The following ZDHHC21 variants were observed in gnomAD, a reference collection of about 807,000 sequenced individuals.
ZDHHC21 encodes palmitoyltransferase ZDHHC21.
Under a neutral mutation model 34.6 loss-of-function variants are expected in ZDHHC21, and 15 were observed. The ratio of observed to expected loss-of-function variants is 0.43; its 90% CI spans 0.29 to 0.67. The LOEUF (loss-of-function observed/expected upper bound fraction) is 0.67, where lower values mean the gene tolerates loss of function less well. Ranked by LOEUF, ZDHHC21 falls within the 30% of genes least tolerant of loss-of-function variation. ZDHHC21 has a pLI of 0.14. For synonymous variants in ZDHHC21, 142 were observed against 101.8 expected (o/e 1.40, Z -2.38); for missense variants, 344 against 327.7 (o/e 1.05, Z -0.38).
chr9:14,642,690 G>A (rs1450492536), intron 7 of ZDHHC21, among the ~76,000 whole-genome samples: 3 of 152,178 alleles, frequency 2.0e-5, no homozygotes, highest in Admixed American at 1.3e-4. Context: ...GTGGTTATCT[G>A]CAAGCCAAAG....
chr9:14,660,513 T>C (rs1833189477), intron 6 of ZDHHC21, among the ~76,000 whole-genome samples: 1 of 152,122 alleles, frequency 6.6e-6, no homozygotes, highest in African/African-American at 2.4e-5. Flanking sequence ...AAATTTTCCT[T>C]GCTTCCAATT....
At chr9:14,677,563 A>G (rs959830355) in intron 3 of ZDHHC21, 1 of 152,050 alleles carries the variant, frequency 6.6e-6, no homozygotes. Context: ...CATTAGCTGG[A>G]GATTCTGACA....
intron 2 of ZDHHC21, among the ~76,000 whole-genome samples, chr9:14,689,089 C>A (rs1027958096): frequency 6.6e-6 from 1 of 152,096 alleles, no homozygotes; most frequent in African/African-American, 2.4e-5. Context: ...AAAAATGCCC[C>A]GTTATCTACT....
chr9:14,671,847 T>G (rs530507497), intron 5 of ZDHHC21, among the ~76,000 whole-genome samples: 5 of 152,124 alleles, frequency 3.3e-5, no homozygotes, highest in African/African-American at 1.2e-4. Flanking sequence ...AGTTAAGAAC[T>G]TGAATAAAAT....
At chr9:14,623,783 A>G (rs1028866561) in intron 8 of ZDHHC21, among the ~76,000 whole-genome samples, 3 of 152,112 alleles carry the variant, frequency 2.0e-5, no homozygotes, top group African/African-American at 7.2e-5. Flanking sequence ...AAAAACCACA[A>G]TGGGAAATCA....
intron 8 of ZDHHC21, among the ~76,000 whole-genome samples, chr9:14,634,817 A>G (rs1426053423): frequency 6.6e-6 from 1 of 152,210 alleles, no homozygotes; most frequent in African/African-American, 2.4e-5. Flanking sequence ...ACTCCAAAGA[A>G]ATACAATAAT....
intron 3 of ZDHHC21, among the ~76,000 whole-genome samples, chr9:14,678,907 G>T (rs868394370): frequency 6.6e-6 from 1 of 152,044 alleles, no homozygotes; most frequent in Admixed American, 6.6e-5. Flanking sequence ...ATACTGCTGA[G>T]TGAATAAAGC....
At chr9:14,660,295 G>A (rs150300608) in intron 6 of ZDHHC21, among the ~76,000 whole-genome samples, 6,562 of 146,636 alleles carry the variant, frequency 0.045, 467 homozygotes, top group African/African-American at 0.16. Flanking sequence ...GAGGCCAGGA[G>A]GCAGAGGTTG....
At chr9:14,603,227 A>G in the ZDHHC21 span, among the ~76,000 whole-genome samples, 17 of 152,272 alleles carry the variant, frequency 1.1e-4, no homozygotes, top group Non-Finnish European at 1.8e-4. Flanking sequence ...TAAAAATGGA[A>G]GACAGAAAAT....
the ZDHHC21 span, among the ~76,000 whole-genome samples, chr9:14,602,002 G>T: frequency 1.3e-5 from 2 of 151,928 alleles, no homozygotes; most frequent in Non-Finnish European, 2.9e-5. Context: ...GTCAGGAGGT[G>T]GGGGAGCTAG....
chr9:14,664,411 A>AGGC lies in ZDHHC21; in HGVS notation c.254-2088_254-2086dup, dbSNP rs1265368229. ...CACAGCAGTCTGAGATCAAACTGCA[A>AGGC]GGCGGCAGCCAGGCTGGGGGAGGGG... On this transcript the variant is annotated intron_variant, in intron 5 of 9. Coordinates refer to ENST00000380916, the MANE Select transcript of ZDHHC21 (RefSeq NM_178566.6). 1.6e-4 allele frequency among the ~76,000 whole-genome samples: 24 copies of AGGC among 150,712 alleles called. 2 individuals are homozygous for AGGC. The South Asian group carries it at 5.1e-3, about 32-fold the overall frequency.
intron 8 of ZDHHC21, among the ~76,000 whole-genome samples, chr9:14,631,104 G>A (rs1827265983): frequency 6.6e-6 from 1 of 152,214 alleles, no homozygotes; most frequent in Non-Finnish European, 1.5e-5. Context: ...AGCCACAGAA[G>A]TCCTACATGG....
chr9:14,661,795 G>C (rs1270726149), intron 6 of ZDHHC21, among the ~76,000 whole-genome samples: 2 of 152,156 alleles, frequency 1.3e-5, no homozygotes, highest in Admixed American at 1.3e-4. Context: ...GAGGTTATCA[G>C]GGTGTCTGAA....
chr9:14,646,003 C>A (rs1417431435), intron 7 of ZDHHC21, among the ~76,000 whole-genome samples: 3 of 152,116 alleles, frequency 2.0e-5, no homozygotes, highest in Admixed American at 2.0e-4. Flanking sequence ...TTAACACTAT[C>A]TAAAGGAACA....
chr9:14,600,802 T>C, the ZDHHC21 span, among the ~76,000 whole-genome samples: 2 of 152,068 alleles, frequency 1.3e-5, no homozygotes, highest in African/African-American at 4.8e-5. Context: ...TGAAAACAGA[T>C]ATATAGACCA....
At chr9:14,685,536 C>T (rs868448242) in intron 2 of ZDHHC21, among the ~76,000 whole-genome samples, 23 of 152,140 alleles carry the variant, frequency 1.5e-4, no homozygotes, top group South Asian at 6.2e-4. Flanking sequence ...ATGGCGATCA[C>T]TAAAAAGTCA....
At chr9:14,682,032 T>G (rs147419327) in intron 2 of ZDHHC21, among the ~76,000 whole-genome samples, 18,249 of 152,052 alleles carry the variant, frequency 0.12, 1,186 homozygotes, top group East Asian at 0.27. Context: ...CAAGAGCTCC[T>G]GAAGGAAGCA....
chr9:14,625,433 T>G (rs988664646), intron 8 of ZDHHC21, among the ~76,000 whole-genome samples: 4 of 152,044 alleles, frequency 2.6e-5, no homozygotes, highest in Admixed American at 1.3e-4. Context: ...ACTGAAAATC[T>G]CTTTCCAAAA....
chr9:14,604,712 G>C, the ZDHHC21 span, among the ~76,000 whole-genome samples: 3 of 152,074 alleles, frequency 2.0e-5, no homozygotes, highest in Non-Finnish European at 4.4e-5. Flanking sequence ...GTGGCAAAAA[G>C]CACATGAGAT....
Sources: gnomAD v4.1 joint callset for allele counts (sites outside exome capture counted in the v4.1 genomes callset) on GRCh38, gnomAD v4.1.1 for gene constraint, MANE v1.5 for transcripts, NCBI Gene and HGNC (gene_info 2026-07-23, HGNC 2026-07-21) for gene names.